Variants in IPO13 observed in about 807,000 individuals in gnomAD.
IPO13 encodes the protein importin 13.
In IPO13, 28 loss-of-function variants were observed where a neutral mutation model predicts 115.5. The observed-to-expected ratio is 0.24, with a 90% confidence interval of 0.18 to 0.33. The LOEUF (loss-of-function observed/expected upper bound fraction) is 0.33, where lower values mean the gene tolerates loss of function less well. Ranked by LOEUF, IPO13 falls within the 10% of genes least tolerant of loss-of-function variation. IPO13 has a pLI of 1.00. For synonymous variants in IPO13, 414 were observed against 478.9 expected (o/e 0.86, Z 1.77); for missense variants, 785 against 1,204.6 (o/e 0.65, Z 5.16).
Position 43,961,271 on chromosome 1 carries a change from T to A in IPO13, c.2344+9T>A. ...CACTCTCTTCCAGCAAGGTAGGTCC[T>A]GACCGGGGTCTCTGCTGCTGCTGCC... On this transcript the variant is annotated intron_variant, in intron 14 of 19. Coordinates refer to ENST00000372343, the MANE Select transcript of IPO13 (RefSeq NM_014652.4). 1 of 1,606,574 alleles carries A rather than the reference T, an allele frequency of 6.2e-7. No homozygotes were observed. Among genetic ancestry groups the A allele is most frequent in the South Asian group, 1.1e-5 (1 of 90,946 alleles).
chr1:43,955,100 A>T (rs1396060681), intron 2 of IPO13, among the ~76,000 whole-genome samples: 2 of 152,170 alleles, frequency 1.3e-5, no homozygotes, highest in African/African-American at 2.4e-5. Context: ...CCAGTCAGTC[A>T]TCAAGTCCTG....
intron 2 of IPO13, among the ~76,000 whole-genome samples, chr1:43,954,462 G>A (rs2085230660): frequency 6.6e-6 from 1 of 152,092 alleles, no homozygotes; most frequent in Admixed American, 6.5e-5. Context: ...ACCTGCTTGG[G>A]GCAAGTCCAG....
intron 14 of IPO13, among the ~76,000 whole-genome samples, chr1:43,962,349 C>G (rs1239192086): frequency 6.6e-6 from 1 of 152,250 alleles, no homozygotes; most frequent in Non-Finnish European, 1.5e-5. Context: ...CCTGGATTAT[C>G]AGCAACCTTC....
chr1:43,957,924 C>CA, intron 7 of IPO13, 53 bp from the exon 8 acceptor site: 3 of 1,578,776 alleles, frequency 1.9e-6, no homozygotes, highest in Non-Finnish European at 1.7e-6. Context: ...AGACATGGTA[C>CA]AAAGCCAGCC....
chr1:43,964,865 G>T (rs2085311628), intron 15 of IPO13, among the ~76,000 whole-genome samples: 1 of 152,174 alleles, frequency 6.6e-6, no homozygotes, highest in South Asian at 2.1e-4. Context: ...GCTAGGATGT[G>T]TTTGCATTTT....
chr1:43,954,619 A>G (rs58429496), intron 2 of IPO13, among the ~76,000 whole-genome samples: 5,200 of 152,224 alleles, frequency 0.034, 329 homozygotes, highest in African/African-American at 0.12. Context: ...TCCACAGACC[A>G]AGGTGCTGGA....
intron 1 of IPO13, 165 bp from the exon 2 acceptor site, chr1:43,949,252 G>A (rs2085188700): frequency 1.5e-6 from 1 of 652,534 alleles, no homozygotes. Context: ...CAAGATATCA[G>A]CAGGACCCCA....
At position 43,956,942 on chromosome 1, in the gene IPO13, T is replaced by G. The variant is rs1229647715; in HGVS notation, c.1237T>G (p.Ser413Ala). The G allele has an allele frequency of 6.2e-7, 1 of 1,614,058 alleles. No homozygotes were observed. Among genetic ancestry groups the G allele is most frequent in the Admixed American group, 1.7e-5 (1 of 60,002 alleles). ...TTCTGATGAGGAATATGGATTCTGG[T>G]CCTCAGACGAGAAGGAGCAGTTCCG... ...FPSDEEYGFW[S>A]SDEKEQFRIY... The change falls in exon 5 of 20, where the codon TCC becomes GCC. Residue 413 changes from serine to alanine, a missense_variant. Transcript: ENST00000372343. The surrounding 1 kb of genome is among the most constrained non-coding windows in gnomAD (Gnocchi z 4.7).
In IPO13 at chr1:43,958,364, C is replaced by T; in HGVS notation, c.1749+96C>T. On this transcript the variant is annotated intron_variant, in intron 9 of 19. Coordinates refer to ENST00000372343, the MANE Select transcript of IPO13 (RefSeq NM_014652.4). The surrounding 1 kb of genome is among the most constrained non-coding windows in gnomAD (Gnocchi z 6.3). ...TTTTGGCCTTCCCCTTCCTCTTATCCCTTATTCTCTGTTTTTCTTCTCCCA... is the reference window on the plus strand; with the variant it reads ...TTTTGGCCTTCCCCTTCCTCTTATCTCTTATTCTCTGTTTTTCTTCTCCCA... The T allele has an allele frequency of 6.2e-7, 1 of 1,608,076 alleles. No homozygotes were observed. The highest frequency in any genetic ancestry group is 8.5e-7 in the Non-Finnish European group (1 of 1,175,264).
In IPO13 at chr1:43,967,086, T is replaced by C; in HGVS notation, c.2613+67T>C. The C allele has an allele frequency of 1.4e-6, 2 of 1,459,700 alleles. No individual in the cohort carries two copies. Among genetic ancestry groups the C allele is most frequent in the Non-Finnish European group, 1.9e-6 (2 of 1,039,972 alleles). 90.4% of individuals were successfully genotyped at this position (1,459,700 alleles called of 1,614,324 possible). On this transcript the variant is annotated intron_variant, in intron 18 of 19. Coordinates refer to ENST00000372343, the MANE Select transcript of IPO13 (RefSeq NM_014652.4). This position sits in a 1 kb window ranked among gnomAD's most constrained non-coding sequence, Gnocchi z 6.1. ...CTCACTGCTGAGGCAGCTGGCCTTCTGGGAGGCTTGAGCCTTTGGTCCCCT... is the reference window on the plus strand; with the variant it reads ...CTCACTGCTGAGGCAGCTGGCCTTCCGGGAGGCTTGAGCCTTTGGTCCCCT...
chr1:43,962,680 C>T (rs2085297955), intron 14 of IPO13, among the ~76,000 whole-genome samples: 1 of 152,232 alleles, frequency 6.6e-6, no homozygotes, highest in Admixed American at 6.5e-5. Context: ...ACTCTCACTC[C>T]TTCATGCCTT....
chr1:43,965,118 T>C (rs1189586149), intron 15 of IPO13, among the ~76,000 whole-genome samples: 3 of 151,938 alleles, frequency 2.0e-5, no homozygotes, highest in Non-Finnish European at 4.4e-5. Flanking sequence ...GGAGTGTATA[T>C]TATGGAGGAT....
intron 14 of IPO13, among the ~76,000 whole-genome samples, chr1:43,961,689 T>C (rs1035771365): frequency 6.6e-6 from 1 of 152,238 alleles, no homozygotes; most frequent in Non-Finnish European, 1.5e-5. Context: ...CACTTACCTT[T>C]GCTGGGCCTT....
At chr1:43,964,960 G>A (rs1337334533) in intron 15 of IPO13, among the ~76,000 whole-genome samples, 2 of 152,214 alleles carry the variant, frequency 1.3e-5, no homozygotes, top group Non-Finnish European at 2.9e-5. Context: ...TAAGTAGTAT[G>A]TGAATTGTGT....
At position 43,958,839 on chromosome 1, in the gene IPO13, C is replaced by T; in HGVS notation, c.1978C>T (p.His660Tyr). The change falls in exon 11 of 20, where the codon CAT becomes TAT. Residue 660 changes from histidine to tyrosine, a missense_variant. Coordinates refer to ENST00000372343, the MANE Select transcript of IPO13 (RefSeq NM_014652.4). The surrounding 1 kb of genome is among the most constrained non-coding windows in gnomAD (Gnocchi z 6.3). ...TLDISHHEDD[H>Y]EGPELRKLPV... ...GGACATCAGTCATCATGAGGATGATCATGAAGGCCCTGAGCTTCGGAAGCT... is the reference window on the plus strand; with the variant it reads ...GGACATCAGTCATCATGAGGATGATTATGAAGGCCCTGAGCTTCGGAAGCT... The T allele has an allele frequency of 1.2e-6, 2 of 1,614,144 alleles. No homozygotes were observed. The highest frequency in any genetic ancestry group is 1.7e-6 in the Non-Finnish European group (2 of 1,180,026).
chr1:43,964,465 G>A (rs551124053), intron 15 of IPO13, 144 bp downstream of exon 15: 10 of 653,346 alleles, frequency 1.5e-5, no homozygotes, highest in African/African-American at 3.7e-5. Flanking sequence ...ATCTGTTTCC[G>A]TGGAAGTTGA....
Position 43,949,868 on chromosome 1 carries a change from C to A in IPO13, c.536C>A (p.Thr179Asn). ...ACAGTGCTGCCTGAGGAGTTCCAGACCAGTCGCCTACCCCAGTACCGCAAA... is the reference window on the plus strand; with the variant it reads ...ACAGTGCTGCCTGAGGAGTTCCAGAACAGTCGCCTACCCCAGTACCGCAAA... Reference protein sequence around the residue: ...LLTVLPEEFQTSRLPQYRKGL... With the variant: ...LLTVLPEEFQNSRLPQYRKGL... Residue 179 changes from threonine (T) to asparagine (N), a missense_variant, in exon 2 of 20, where the codon ACC becomes AAC. Around this residue, in one of 3 missense-constraint regions of IPO13, gnomAD observed 325 missense variants for 449.8 expected, o/e 0.72. Coordinates refer to ENST00000372343, the MANE Select transcript of IPO13 (RefSeq NM_014652.4). The A allele has an allele frequency of 6.2e-7, 1 of 1,612,780 alleles. No homozygotes were observed. Among genetic ancestry groups the A allele is most frequent in the Non-Finnish European group, 8.5e-7 (1 of 1,179,892 alleles).
intron 6 of IPO13, 39 bp downstream of exon 6, chr1:43,957,354 T>C (rs1457693118): frequency 6.2e-7 from 1 of 1,613,428 alleles, no homozygotes; most frequent in Admixed American, 1.7e-5. Context: ...TTCCCAGACC[T>C]GTCACACCCT....
intron 14 of IPO13, among the ~76,000 whole-genome samples, chr1:43,961,729 A>G (rs1557634548): frequency 6.6e-6 from 1 of 152,342 alleles, no homozygotes; most frequent in East Asian, 1.9e-4. Flanking sequence ...CGGAGATAAC[A>G]TATACTTGAA....
Sources: gnomAD v4.1 joint callset for allele counts (sites outside exome capture counted in the v4.1 genomes callset) on GRCh38, gnomAD v4.1.1 for gene constraint, gnomAD v4.1.1 regional missense constraint, Gnocchi (gnomAD v3.1) non-coding constraint, MANE v1.5 for transcripts, NCBI Gene and HGNC (gene_info 2026-07-23, HGNC 2026-07-21) for gene names.